WDR27: variants seen among roughly 807,000 people sequenced by gnomAD.
The protein encoded by WDR27 is WD repeat-containing protein 27.
A neutral mutation model predicts 114.4 loss-of-function variants in WDR27; 100 were observed. That is an observed-to-expected ratio of 0.87 (90% CI 0.74 to 1.03). The LOEUF (loss-of-function observed/expected upper bound fraction) is 1.03, where lower values mean the gene tolerates loss of function less well. WDR27 is among the 50% of genes least tolerant of loss of function. The probability of loss-of-function intolerance (pLI) is 0.00; values close to 1 mark genes in which losing one functional copy is unlikely to be tolerated. For synonymous variants in WDR27, 449 were observed against 423.1 expected (o/e 1.06, Z -0.75); for missense variants, 1,129 against 1,092.9 (o/e 1.03, Z -0.47).
intron 22 of WDR27, among the ~76,000 whole-genome samples, chr6:169,605,142 A>T (rs1265044547): frequency 7.7e-6 from 1 of 129,354 alleles, no homozygotes; most frequent in Non-Finnish European, 1.6e-5. Context: ...TTTTTTAAAG[A>T]AGCATCCAAA....
At chr6:169,663,764 G>A (rs773423884) in intron 8 of WDR27, 8 of 187,996 alleles carry the variant, frequency 4.3e-5, no homozygotes, top group East Asian at 1.6e-4. Context: ...TGTAGGTGGC[G>A]TCTAAGATTC....
chr6:169,592,945 T>G (rs1269473655), intron 23 of WDR27, among the ~76,000 whole-genome samples: 1 of 152,214 alleles, frequency 6.6e-6, no homozygotes, highest in Non-Finnish European at 1.5e-5. Flanking sequence ...TCAGTTAATA[T>G]TATGAGGGAA....
chr6:169,645,670 A>G (rs1820526710), intron 16 of WDR27, among the ~76,000 whole-genome samples: 1 of 145,804 alleles, frequency 6.9e-6, no homozygotes. Context: ...TATGAGTCAC[A>G]CTGTAGAAAA....
chr6:169,572,940 A>G (rs918421628), intron 24 of WDR27, among the ~76,000 whole-genome samples: 1 of 152,222 alleles, frequency 6.6e-6, no homozygotes, highest in Admixed American at 6.5e-5. Context: ...AACTACTTAT[A>G]GATAAATCAG....
chr6:169,587,782 G>T (rs988107888), intron 23 of WDR27, among the ~76,000 whole-genome samples: 1 of 152,206 alleles, frequency 6.6e-6, no homozygotes, highest in Non-Finnish European at 1.5e-5. Context: ...TTAACAAAAC[G>T]TGCAAGGTTT....
At chr6:169,456,701 C>T (rs1784358609), downstream of WDR27, among the ~76,000 whole-genome samples, 1 of 152,116 alleles carries the variant, frequency 6.6e-6, no homozygotes, top group African/African-American at 2.4e-5. This position sits in a 1 kb window ranked among gnomAD's most constrained non-coding sequence, Gnocchi z 4.0. Context: ...GACAAAGGTC[C>T]TGGGACAGAG....
At chr6:169,603,753 G>C (rs1808532051) in intron 22 of WDR27, among the ~76,000 whole-genome samples, 1 of 152,190 alleles carries the variant, frequency 6.6e-6, no homozygotes, top group South Asian at 2.1e-4. Context: ...AGCAACTTTG[G>C]TGAGTTGCTC....
intron 23 of WDR27, among the ~76,000 whole-genome samples, chr6:169,584,410 C>T (rs2092335): frequency 0.89 from 135,937 of 152,206 alleles, 61,302 homozygotes; most frequent in East Asian, 0.99. Context: ...TTAAGTGGTG[C>T]TGATTGCCTC....
At position 169,552,393 on chromosome 6, in the gene WDR27, C is replaced by T. The variant is rs73236974; in HGVS notation, c.2645+20026G>A. Among the ~76,000 whole-genome samples, 1,092 of 152,304 alleles carry T rather than the reference C, an allele frequency of 7.2e-3. 19 individuals carry two copies. Among genetic ancestry groups the T allele is most frequent in the African/African-American group, 0.025 (1,039 of 41,548 alleles). ...TCCACGAGGACTTTCAGCCTGTTCC[C>T]GCTGCAGCCCTCACTCCCAGAGCAA... On this transcript the variant is annotated intron_variant, in intron 25 of 25. Coordinates refer to ENST00000448612, the MANE Select transcript of WDR27 (RefSeq NM_182552.5).
At position 169,593,594 on chromosome 6, in the gene WDR27, TC is replaced by T. The variant is rs529146424; in HGVS notation, c.2424+8624del. ...CAGGTATGGTGGCTCATGCCTGTAA[TC>T]CCTGCACTTTGGGAGGCCAAGGTAG... On this transcript the variant is annotated intron_variant, in intron 23 of 25. Coordinates refer to ENST00000448612, the MANE Select transcript of WDR27 (RefSeq NM_182552.5). Among the ~76,000 whole-genome samples the T allele has an allele frequency of 1.5e-3, 224 of 152,318 alleles. 1 individual carries two copies. The highest frequency in any genetic ancestry group is 5.1e-3 in the African/African-American group (212 of 41,574).
chr6:169,465,258 C>CAAAAAAAAAAAAAAA (rs56688798), intron 25 of WDR27, among the ~76,000 whole-genome samples: 4 of 101,160 alleles, frequency 4.0e-5, no homozygotes, highest in Middle Eastern at 5.1e-3. Flanking sequence ...AACTCCATCT[C>CAAAAAAAAAAAAAAA]AAAAAAAAAA....
chr6:169,667,122 A>T lies in WDR27; in HGVS notation c.712+14T>A. 1 of 1,510,462 alleles carries T rather than the reference A, an allele frequency of 6.6e-7. No individual in the cohort carries two copies. The highest frequency in any genetic ancestry group is 8.8e-7 in the Non-Finnish European group (1 of 1,132,062). The allele number at this position is 1,510,462 out of a possible 1,614,324, so 93.6% of individuals were successfully genotyped here. ...ACAACCTATTTACAGAAAACATGAA[A>T]GTTTTAAATTTACCTGATAACACAG... On this transcript the variant is annotated intron_variant, in intron 6 of 25. Coordinates refer to ENST00000448612, the MANE Select transcript of WDR27 (RefSeq NM_182552.5).
intron 25 of WDR27, among the ~76,000 whole-genome samples, chr6:169,500,542 A>G (rs1458008101): frequency 1.3e-5 from 2 of 152,168 alleles, no homozygotes; most frequent in Non-Finnish European, 2.9e-5. Context: ...TACGACCGAG[A>G]AGGCATCACG....
rs1818797359 is a variant in WDR27 at position 169,640,126 on chromosome 6, G to A, written c.1748-1466C>T. Among the ~76,000 whole-genome samples, 3 of 152,050 alleles carry A rather than the reference G, an allele frequency of 2.0e-5. No individual in the cohort carries two copies. The South Asian group carries it at 6.2e-4, about 31-fold the overall frequency. On this transcript the variant is annotated intron_variant, in intron 17 of 25. Coordinates refer to ENST00000448612, the MANE Select transcript of WDR27 (RefSeq NM_182552.5). ...ACAAATGACCCTAGACCTGCTCGAC[G>A]ACCCCATTTTGCCTCCATAGCTCAC...
At chr6:169,577,640 T>G (rs575745284) in intron 24 of WDR27, among the ~76,000 whole-genome samples, 3 of 152,186 alleles carry the variant, frequency 2.0e-5, no homozygotes, top group Non-Finnish European at 4.4e-5. Flanking sequence ...GCTTAGCCCG[T>G]GAGCCCCGCA....
At chr6:169,474,797 C>G (rs1786906815) in intron 25 of WDR27, among the ~76,000 whole-genome samples, 1 of 152,068 alleles carries the variant, frequency 6.6e-6, no homozygotes, top group South Asian at 2.1e-4. Flanking sequence ...AAAAATAAAT[C>G]CAGACCTAAA....
chr6:169,687,851 C>A (rs1407754102), intron 2 of WDR27, among the ~76,000 whole-genome samples: 2 of 152,116 alleles, frequency 1.3e-5, no homozygotes, highest in South Asian at 2.1e-4. Context: ...GAAAAAAATT[C>A]ATGTATAAGT....
At chr6:169,451,807 A>G in the WDR27 span, among the ~76,000 whole-genome samples, 2 of 152,112 alleles carry the variant, frequency 1.3e-5, no homozygotes, top group Non-Finnish European at 2.9e-5. Flanking sequence ...TTTCTTTCAT[A>G]TTGTCATATA....
chr6:169,583,752 C>A lies in WDR27; in HGVS notation c.2425-818G>T, dbSNP rs538892895. ...GGTGTCAAAGACAATTCCTTTTTCCCGCAAAAACCTACTATTTTTAAAAAA... is the reference window on the plus strand; with the variant it reads ...GGTGTCAAAGACAATTCCTTTTTCCAGCAAAAACCTACTATTTTTAAAAAA... On this transcript the variant is annotated intron_variant, in intron 23 of 25. Coordinates refer to ENST00000448612, the MANE Select transcript of WDR27 (RefSeq NM_182552.5). 2.9e-3 allele frequency among the ~76,000 whole-genome samples: 436 copies of A among 151,464 alleles called. 3 individuals carry two copies. The highest frequency in any genetic ancestry group is 0.01 in the African/African-American group (420 of 41,222).
Sources: gnomAD v4.1 joint callset for allele counts (sites outside exome capture counted in the v4.1 genomes callset) on GRCh38, gnomAD v4.1.1 for gene constraint, Gnocchi (gnomAD v3.1) non-coding constraint, MANE v1.5 for transcripts, NCBI Gene and HGNC (gene_info 2026-07-23, HGNC 2026-07-21) for gene names.